STK32A: variants seen among roughly 807,000 people sequenced by gnomAD.
The protein encoded by STK32A is serine/threonine-protein kinase 32A.
In STK32A, 41 loss-of-function variants were observed where a neutral mutation model predicts 53.2. The observed-to-expected ratio is 0.77, with a 90% CI of 0.60 to 1.00. The LOEUF (loss-of-function observed/expected upper bound fraction) is 1.00, where lower values mean the gene tolerates loss of function less well. STK32A is among the 50% of genes least tolerant of loss of function. The probability of loss-of-function intolerance (pLI) is 0.00; values close to 1 mark genes in which losing one functional copy is unlikely to be tolerated. For missense variants in STK32A, 458 were observed against 485.8 expected, an observed-to-expected ratio of 0.94 and a Z score of 0.54; for synonymous variants, 166 against 162.8, an observed-to-expected ratio of 1.02 and a Z score of -0.15.
chr5:147,389,921 G>T (rs990408933), downstream of STK32A, among the ~76,000 whole-genome samples: 1 of 152,084 alleles, frequency 6.6e-6, no homozygotes, highest in Non-Finnish European at 1.5e-5. Flanking sequence ...CTTACTGAAG[G>T]CACACAGGGC....
At chr5:147,266,858 T>C (rs570474792) in intron 2 of STK32A, among the ~76,000 whole-genome samples, 1 of 152,040 alleles carries the variant, frequency 6.6e-6, no homozygotes, top group East Asian at 1.9e-4. Flanking sequence ...ACCCTGCCTC[T>C]CCTAAAAATA....
the STK32A span, among the ~76,000 whole-genome samples, chr5:147,398,817 G>T: frequency 6.6e-6 from 1 of 152,166 alleles, no homozygotes; most frequent in Non-Finnish European, 1.5e-5. Flanking sequence ...ATGTTCCCCT[G>T]TCTCAGCAAT....
At chr5:147,266,602 T>C (rs1754822113) in intron 2 of STK32A, among the ~76,000 whole-genome samples, 1 of 152,184 alleles carries the variant, frequency 6.6e-6, no homozygotes, top group Admixed American at 6.6e-5. Context: ...ACGTCCAAAA[T>C]GTTTTTAGGT....
At chr5:147,390,243 C>T (rs1757763622), downstream of STK32A, among the ~76,000 whole-genome samples, 1 of 152,104 alleles carries the variant, frequency 6.6e-6, no homozygotes, top group African/African-American at 2.4e-5. Flanking sequence ...TTTGAAAGAC[C>T]TTTATCACGG....
intron 9 of STK32A, among the ~76,000 whole-genome samples, chr5:147,371,978 T>C (rs1757022968): frequency 6.6e-6 from 1 of 152,182 alleles, no homozygotes; most frequent in South Asian, 2.1e-4. Context: ...CAGTTTAAAA[T>C]TATACCCAGC....
chr5:147,260,371 T>G (rs928491019), intron 2 of STK32A, among the ~76,000 whole-genome samples: 13 of 151,342 alleles, frequency 8.6e-5, no homozygotes, highest in Non-Finnish European at 1.3e-4. Flanking sequence ...TCCTTGCCTC[T>G]GCCAGCTGCT....
At chr5:147,246,749 G>A (rs1210174228) in intron 2 of STK32A, among the ~76,000 whole-genome samples, 3 of 152,174 alleles carry the variant, frequency 2.0e-5, no homozygotes, top group South Asian at 2.1e-4. Context: ...CTTATTACAC[G>A]ATCAAAAGTG....
chr5:147,394,616 C>T, the STK32A span, among the ~76,000 whole-genome samples: 1 of 145,270 alleles, frequency 6.9e-6, no homozygotes, highest in Admixed American at 7.1e-5. Flanking sequence ...TCAATGTGTG[C>T]TTGGGTCTAT....
At chr5:147,348,466 G>A (rs372615530) in intron 6 of STK32A, among the ~76,000 whole-genome samples, 6 of 152,296 alleles carry the variant, frequency 3.9e-5, no homozygotes, top group African/African-American at 7.2e-5. Context: ...GGGACGGGGC[G>A]TAAGAATCTG....
At chr5:147,245,321 GA>G (rs1314236846) in intron 2 of STK32A, among the ~76,000 whole-genome samples, 11 of 152,188 alleles carry the variant, frequency 7.2e-5, no homozygotes, top group African/African-American at 2.4e-4. Flanking sequence ...GATATTCTGA[GA>G]AATAATTAAT....
intron 4 of STK32A, among the ~76,000 whole-genome samples, chr5:147,318,988 G>A (rs986437271): frequency 1.3e-5 from 2 of 152,084 alleles, no homozygotes; most frequent in African/African-American, 4.8e-5. Flanking sequence ...TATCTGCTTA[G>A]GTTGTAAATT....
chr5:147,274,063 G>T (rs1449125016), intron 2 of STK32A, among the ~76,000 whole-genome samples: 3 of 152,182 alleles, frequency 2.0e-5, no homozygotes, highest in African/African-American at 7.2e-5. Flanking sequence ...AGTACTTTTA[G>T]ATATTTACTT....
chr5:147,242,044 G>A (rs1187080731), intron 2 of STK32A, among the ~76,000 whole-genome samples: 1 of 152,244 alleles, frequency 6.6e-6, no homozygotes, highest in Non-Finnish European at 1.5e-5. Context: ...CCCCTTTTTA[G>A]TTACTTTAAA....
rs1264896002 is a variant in STK32A at position 147,251,834 on chromosome 5, G to C, written c.52+12148G>C. On this transcript the variant is annotated intron_variant, in intron 2 of 12. Transcript: ENST00000397936. ...AATCATCCAGTTCAGCACCACTCTT[G>C]AGCTTTGCTTAGCTTCTTCTACCCA... Among the ~76,000 whole-genome samples the C allele has an allele frequency of 4.6e-5, 7 of 152,236 alleles. No homozygotes were observed. The East Asian group carries it at 9.6e-4, about 21-fold the overall frequency.
intron 1 of STK32A, 29 bp from the exon 2 acceptor site, chr5:147,239,510 T>G: frequency 1.4e-6 from 1 of 696,590 alleles, no homozygotes. Context: ...TAGCATATTA[T>G]TAGGGTACTA....
chr5:147,239,487 G>T, intron 1 of STK32A, 52 bp from the exon 2 acceptor site: 1 of 606,828 alleles, frequency 1.6e-6, no homozygotes. Context: ...CTATACTCAG[G>T]GTGCCTAGAG....
chr5:147,319,745 A>G (rs1040983508), intron 4 of STK32A, among the ~76,000 whole-genome samples: 2 of 152,112 alleles, frequency 1.3e-5, no homozygotes, highest in Admixed American at 6.5e-5. Flanking sequence ...CTAATGCTTC[A>G]CCTAAGCTGT....
chr5:147,400,920 T>G, the STK32A span: 4 of 1,508,220 alleles, frequency 2.7e-6, no homozygotes, highest in Admixed American at 8.0e-5. Flanking sequence ...CTGTGAGGGT[T>G]TGCACTCTGA....
chr5:147,348,183 C>T (rs1755777922), intron 6 of STK32A, among the ~76,000 whole-genome samples: 1 of 152,112 alleles, frequency 6.6e-6, no homozygotes, highest in Admixed American at 6.5e-5. Flanking sequence ...TAAAATAGGG[C>T]CTACCTCACT....
Sources: gnomAD v4.1 joint callset for allele counts (sites outside exome capture counted in the v4.1 genomes callset) on GRCh38, gnomAD v4.1.1 for gene constraint, MANE v1.5 for transcripts, NCBI Gene and HGNC (gene_info 2026-07-23, HGNC 2026-07-21) for gene names.